The following DAZL variants were observed in gnomAD, a reference collection of about 807,000 sequenced individuals.
The protein encoded by DAZL is deleted in azoospermia-like.
DAZL carries 4 observed loss-of-function variants against 45.0 expected under a neutral mutation model. The observed-to-expected ratio is 0.09, with a 90% CI of 0.04 to 0.20. The LOEUF (loss-of-function observed/expected upper bound fraction) is 0.20, where lower values mean the gene tolerates loss of function less well. Ranked by LOEUF, DAZL falls within the 10% of genes least tolerant of loss-of-function variation. The pLI, the probability that DAZL is intolerant of heterozygous loss-of-function variation, is 1.00. For synonymous variants in DAZL, 122 were observed against 112.4 expected (o/e 1.09, Z -0.54); for missense variants, 326 against 351.3 (o/e 0.93, Z 0.58).
At chr3:16,595,452 C>G in intron 6 of DAZL, 67 bp from the exon 7 acceptor site, 2 of 907,608 alleles carry the variant, frequency 2.2e-6, no homozygotes, top group Non-Finnish European at 3.4e-6. Flanking sequence ...AATATTATTC[C>G]CAATATAACA....
At chr3:16,592,288 G>T in intron 9 of DAZL, 140 bp from the exon 10 acceptor site, 1 of 1,303,208 alleles carries the variant, frequency 7.7e-7, no homozygotes, top group Admixed American at 2.0e-5. Flanking sequence ...TGGGAGTGGT[G>T]GCTCACGCCT....
At chr3:16,604,812 G>A (rs556122008) in intron 1 of DAZL, 47 of 1,181,250 alleles carry the variant, frequency 4.0e-5, no homozygotes, top group Non-Finnish European at 4.8e-5. Flanking sequence ...GGAGGCGCGT[G>A]AGTGGGGGAG....
chr3:16,598,395 C>T, intron 2 of DAZL, 57 bp downstream of exon 2: 1 of 1,593,626 alleles, frequency 6.3e-7, no homozygotes, highest in Non-Finnish European at 8.6e-7. Flanking sequence ...GTAACAGGGC[C>T]CAAATCCCAT....
At chr3:16,590,499 A>G (rs1327456558) in intron 10 of DAZL, among the ~76,000 whole-genome samples, 2 of 152,212 alleles carry the variant, frequency 1.3e-5, no homozygotes, top group African/African-American at 4.8e-5. Flanking sequence ...GTTCCACTGA[A>G]GGTTAAATAT....
intron 1 of DAZL, chr3:16,604,642 A>G (rs1694746514): frequency 8.7e-6 from 12 of 1,372,032 alleles, no homozygotes; most frequent in Non-Finnish European, 1.1e-5. Context: ...CCCACCAAGT[A>G]CAGGGACCAG....
rs751410249 is a variant in DAZL at position 16,605,212 on chromosome 3, G to C, written c.-7C>G. ...CTCTCCCTCAACTCACCATGATGGC[G>C]GCAGGCAGCAGTTCCCGACCGGCTC... On this transcript the variant is annotated 5_prime_UTR_variant, in exon 1 of 11. Coordinates refer to ENST00000399444, the MANE Select transcript of DAZL (RefSeq NM_001351.4). 6.2e-7 allele frequency: 1 copy of C among 1,614,158 alleles called. No individual in the cohort carries two copies. The highest frequency in any genetic ancestry group is 8.5e-7 in the Non-Finnish European group (1 of 1,179,956).
chr3:16,587,289 G>A lies in DAZL; in HGVS notation c.*1371C>T, dbSNP rs1440513275. ...ATTAAGTTAGAATTTCTACATTTTA[G>A]GGAAGAAGTCACTGAAAGAAGGGCC... On this transcript the variant is annotated 3_prime_UTR_variant, in exon 11 of 11. Transcript: ENST00000399444. 3.3e-5 allele frequency: 5 copies of A among 152,230 alleles called. No individual in the cohort carries two copies. Among genetic ancestry groups the A allele is most frequent in the African/African-American group, 1.2e-4 (5 of 41,562 alleles). The allele number at this position is 152,230 out of a possible 1,614,324, so 9.4% of individuals were successfully genotyped here. A position where few individuals can be genotyped will look rare whatever the true frequency, so the allele number is the denominator to read the frequency against.
At chr3:16,601,826 G>T (rs1694694131) in intron 1 of DAZL, among the ~76,000 whole-genome samples, 1 of 152,120 alleles carries the variant, frequency 6.6e-6, no homozygotes, top group South Asian at 2.1e-4. Context: ...CATATTCCTT[G>T]TTATATTTGG....
chr3:16,604,385 C>A (rs1159253496), intron 1 of DAZL: 3 of 1,434,474 alleles, frequency 2.1e-6, no homozygotes, highest in Admixed American at 2.0e-5. Flanking sequence ...AGGGAAAAAA[C>A]CGTACCCAGA....
intron 1 of DAZL, chr3:16,604,573 G>C (rs1298576117): frequency 2.8e-6 from 4 of 1,424,252 alleles, no homozygotes; most frequent in Admixed American, 5.9e-5. Context: ...CTCAGCTACA[G>C]GGCCATGCCT....
Position 16,592,161 on chromosome 3 carries a change from A to T in DAZL, c.736-13T>A, listed in dbSNP as rs1157723394. 11 of 1,610,944 alleles carry T rather than the reference A, an allele frequency of 6.8e-6. No homozygotes were observed. The highest frequency in any genetic ancestry group is 9.3e-6 in the Non-Finnish European group (11 of 1,178,406). ...GGTCCACAGATTTCTGAAACACAGA[A>T]GTTTTCAGTAATGTAAAGACGACTC... On this transcript the variant is annotated splice_polypyrimidine_tract_variant and intron_variant, in intron 9 of 10. Transcript: ENST00000399444.
At chr3:16,604,848 G>A (rs1694751894) in intron 1 of DAZL, 3 of 589,448 alleles carry the variant, frequency 5.1e-6, no homozygotes, top group Non-Finnish European at 8.8e-6. Flanking sequence ...GCGGGGTGGG[G>A]CAGTCGGGGG....
intron 1 of DAZL, chr3:16,604,796 A>C (rs1052586010): frequency 8.1e-7 from 1 of 1,235,116 alleles, no homozygotes. Flanking sequence ...GGAGTGGGGG[A>C]GGGGCGGAGG....
At chr3:16,598,270 C>T in intron 2 of DAZL, 92 bp from the exon 3 acceptor site, 4 of 1,419,886 alleles carry the variant, frequency 2.8e-6, no homozygotes, top group Non-Finnish European at 3.9e-6. Flanking sequence ...GACAATTTCT[C>T]CCCCATTTAT....
Position 16,597,061 on chromosome 3 carries a change from A to T in DAZL, c.295-10T>A. 2 of 1,609,992 alleles carry T rather than the reference A, an allele frequency of 1.2e-6. No homozygotes were observed. The highest frequency in any genetic ancestry group is 1.7e-6 in the Non-Finnish European group (2 of 1,178,056). ...GGAAATTTATCTGTGACTGAAAATAAAACAGTAACAAAACTAGAATCAATT... is the reference window on the plus strand; with the variant it reads ...GGAAATTTATCTGTGACTGAAAATATAACAGTAACAAAACTAGAATCAATT... On this transcript the variant is annotated splice_polypyrimidine_tract_variant and intron_variant, in intron 4 of 10. Coordinates refer to ENST00000399444, the MANE Select transcript of DAZL (RefSeq NM_001351.4).
intron 1 of DAZL, among the ~76,000 whole-genome samples, chr3:16,603,955 A>C (rs1351064394): frequency 2.6e-5 from 4 of 152,174 alleles, no homozygotes; most frequent in African/African-American, 9.6e-5. Context: ...TCAAATGAGT[A>C]AATATGATAC....
chr3:16,590,561 G>A (rs1355467198), intron 10 of DAZL, among the ~76,000 whole-genome samples: 2 of 152,128 alleles, frequency 1.3e-5, no homozygotes, highest in African/African-American at 4.8e-5. Flanking sequence ...AAGAACATAT[G>A]TCCACGTAAT....
rs761426017 is a variant in DAZL, at chr3:16,593,739, A to G, written c.651T>C (p.Asn217=). ...PAYSAVNYHC[N]EVDPGAEVVP... is the part of the protein sequence containing the mutation. ...CAACTTCAGCTCCTGGATCAACTTC[A>G]TTACAGTGGTAGTTAACAGCTGAAT... The change falls in exon 9 of 11, where the codon AAT becomes AAC. Residue 217 remains asparagine, a synonymous_variant. Transcript: ENST00000399444. The G allele has an allele frequency of 2.5e-6, 4 of 1,612,050 alleles. No individual in the cohort carries two copies. The Admixed American group carries it at 6.7e-5, about 27-fold the overall frequency.
Position 16,588,533 on chromosome 3 carries a change from A to C in DAZL, c.*127T>G. The C allele has an allele frequency of 1.3e-6, 1 of 768,676 alleles. No individual in the cohort carries two copies. Among genetic ancestry groups the C allele is most frequent in the Non-Finnish European group, 2.4e-6 (1 of 421,298 alleles). 47.6% of individuals were successfully genotyped at this position (768,676 alleles called of 1,614,324 possible). On this transcript the variant is annotated 3_prime_UTR_variant, in exon 11 of 11. Transcript: ENST00000399444. ...GTTTAAGATAAAACTAGAGAGTCTA[A>C]TAATACAACTTATACACAAAGTTTG... is the stretch of plus-strand genomic sequence containing the variant.
Sources: gnomAD v4.1 joint callset for allele counts (sites outside exome capture counted in the v4.1 genomes callset) on GRCh38, gnomAD v4.1.1 for gene constraint, MANE v1.5 for transcripts, NCBI Gene and HGNC (gene_info 2026-07-23, HGNC 2026-07-21) for gene names.